SLC6A12: variants seen among roughly 807,000 people sequenced by gnomAD.
SLC6A12 encodes solute carrier family 6 member 12, also known as sodium- and chloride-dependent betaine transporter.
A neutral mutation model predicts 73.3 loss-of-function variants in SLC6A12; 50 were observed. The observed-to-expected ratio is 0.68, with a 90% confidence interval of 0.54 to 0.86. The LOEUF is 0.86. Among genes scored for constraint, SLC6A12 ranks in the 40% least tolerant of loss-of-function variants. SLC6A12 has a pLI of 0.00. For missense variants in SLC6A12, 648 were observed against 772.8 expected (o/e 0.84, Z 1.92); for synonymous variants, 304 against 309.2 (o/e 0.98, Z 0.18).
chr12:193,430 C>T, intron 13 of SLC6A12, 53 bp from the exon 14 acceptor site: 1 of 1,409,938 alleles, frequency 7.1e-7, no homozygotes, highest in Non-Finnish European at 1.0e-6. Context: ...AGAACAGCTT[C>T]CCGGTGTTTG....
chr12:194,762 C>T (rs1939783204), intron 13 of SLC6A12, among the ~76,000 whole-genome samples: 1 of 152,160 alleles, frequency 6.6e-6, no homozygotes. Context: ...GAGAGAAATG[C>T]ATAAATGGAA....
chr12:193,756 C>T (rs907946070), intron 13 of SLC6A12, among the ~76,000 whole-genome samples: 1 of 152,164 alleles, frequency 6.6e-6, no homozygotes, highest in Admixed American at 6.5e-5. Context: ...CAAGCCAAAA[C>T]AGCAAAACAA....
chr12:208,276 G>C (rs935773015), intron 3 of SLC6A12, among the ~76,000 whole-genome samples: 1 of 152,172 alleles, frequency 6.6e-6, no homozygotes, highest in Admixed American at 6.5e-5. Context: ...TTCTGGCCCA[G>C]GGTCAGCCTC....
downstream of SLC6A12, among the ~76,000 whole-genome samples, chr12:185,790 CGCCAGGG>C (rs1032151109): frequency 6.6e-6 from 1 of 152,184 alleles, no homozygotes; most frequent in Non-Finnish European, 1.5e-5. Context: ...GAGTGCGGGT[CGCCAGGG>C]CCCAGGGCAC....
chr12:206,169 C>G (rs1940630155), intron 3 of SLC6A12, among the ~76,000 whole-genome samples: 1 of 152,162 alleles, frequency 6.6e-6, no homozygotes, highest in African/African-American at 2.4e-5. Flanking sequence ...CCATCACCAC[C>G]ATTCATCTCC....
rs10582500 is a variant in SLC6A12 at position 203,059 on chromosome 12, C to CTTTTTTTTTTTT, written c.350-191_350-180dup. Among the ~76,000 whole-genome samples, 362 of 68,270 alleles carry CTTTTTTTTTTTT rather than the reference C, an allele frequency of 5.3e-3. 1 individual carries two copies. Among genetic ancestry groups the CTTTTTTTTTTTT allele is most frequent in the Middle Eastern group, 0.012 (1 of 82 alleles). The allele number at this position is 68,270 out of a possible 152,430, so 44.8% of individuals were successfully genotyped here. A position where few individuals can be genotyped will look rare whatever the true frequency, so the allele number is the denominator to read the frequency against. On this transcript the variant is annotated intron_variant, in intron 4 of 15. Transcript: ENST00000684302. ...CATATTTTTCTTTCTTTTTTCTTTT[C>CTTTTTTTTTTTT]TTTTTTTTTTTTTTTTTTTTTTTTT...
intron 15 of SLC6A12, among the ~76,000 whole-genome samples, chr12:191,705 C>T (rs1181131408): frequency 1.3e-5 from 2 of 152,042 alleles, no homozygotes; most frequent in African/African-American, 4.8e-5. Context: ...CTCCTTCTTG[C>T]CTTGAATGCA....
intron 3 of SLC6A12, among the ~76,000 whole-genome samples, chr12:205,910 T>C (rs943069084): frequency 3.3e-5 from 5 of 152,234 alleles, no homozygotes; most frequent in African/African-American, 9.6e-5. Context: ...TTCGTCAGTA[T>C]GTTATCATTG....
At chr12:189,008 C>T (rs769102794), downstream of SLC6A12, among the ~76,000 whole-genome samples, 28 of 152,202 alleles carry the variant, frequency 1.8e-4, no homozygotes, top group Non-Finnish European at 3.2e-4. Flanking sequence ...GGGTCTGGGG[C>T]AGCAGAGAGG....
rs1464974380 is a variant in SLC6A12, at chr12:198,468, G to A, written c.846+329C>T. Reference sequence around the variant, plus strand: ...AGTCCCAGCTGCTCAGGAGGCTGAGGCGAGAGAATGCCTTGAGCCCAAGAG... The same window carrying A: ...AGTCCCAGCTGCTCAGGAGGCTGAGACGAGAGAATGCCTTGAGCCCAAGAG... On this transcript the variant is annotated intron_variant, in intron 8 of 15. Transcript: ENST00000684302. This position sits in a 1 kb window ranked among gnomAD's most constrained non-coding sequence, Gnocchi z 4.0. 2.0e-5 allele frequency among the ~76,000 whole-genome samples: 3 copies of A among 152,222 alleles called. No individual in the cohort carries two copies. The highest frequency in any genetic ancestry group is 4.4e-5 in the Non-Finnish European group (3 of 68,044).
chr12:212,557 C>T (rs1161575663), intron 1 of SLC6A12, among the ~76,000 whole-genome samples: 3 of 152,042 alleles, frequency 2.0e-5, no homozygotes, highest in African/African-American at 4.8e-5. Flanking sequence ...TCGGGAGGAG[C>T]GTAACTTGTG....
chr12:202,485 C>G lies in SLC6A12; in HGVS notation c.490+255G>C, dbSNP rs149460360. On this transcript the variant is annotated intron_variant, in intron 5 of 15. Coordinates refer to ENST00000684302, the MANE Select transcript of SLC6A12 (RefSeq NM_001122848.3). Reference sequence around the variant, plus strand: ...GTCCAGTAAGTGCTTGTTAAGCGCACAAATGAGTAAGTGGCAATAACCCTT... The same window carrying G: ...GTCCAGTAAGTGCTTGTTAAGCGCAGAAATGAGTAAGTGGCAATAACCCTT... Among the ~76,000 whole-genome samples, 46 of 152,282 alleles carry G rather than the reference C, an allele frequency of 3.0e-4. No individual in the cohort carries two copies. The South Asian group carries it at 6.0e-3, about 20-fold the overall frequency.
At chr12:194,260 G>A (rs995445729) in intron 13 of SLC6A12, 2 of 152,290 alleles carry the variant, frequency 1.3e-5, no homozygotes, top group Non-Finnish European at 2.9e-5. Context: ...GGGGAAATTC[G>A]GAAGGCATCA....
chr12:209,872 A>G lies in SLC6A12; in HGVS notation c.115T>C (p.Trp39Arg), dbSNP rs774647302. The change falls in exon 3 of 16, where the codon TGG becomes CGG. Residue 39 changes from tryptophan (W) to arginine (R), a missense_variant. Coordinates refer to ENST00000684302, the MANE Select transcript of SLC6A12 (RefSeq NM_001122848.3). The stretch of plus-strand genomic sequence containing the variant: ...AGCACAAACTCCATCTTGTTGGTCC[A>G]TTGGCCCCGATCCTTCACCTGGTCC... Reference protein sequence around the residue: ...DEDQVKDRGQWTNKMEFVLSV... With the variant: ...DEDQVKDRGQRTNKMEFVLSV... 1 of 1,614,150 alleles carries G rather than the reference A, an allele frequency of 6.2e-7. No individual in the cohort carries two copies. The highest frequency in any genetic ancestry group is 1.1e-5 in the South Asian group (1 of 91,080).
At chr12:197,066 CATCT>C (rs1939906743) in intron 10 of SLC6A12, among the ~76,000 whole-genome samples, 184 bp from the exon 11 acceptor site, 1 of 152,302 alleles carries the variant, frequency 6.6e-6, no homozygotes, top group African/African-American at 2.4e-5. Flanking sequence ...TCCATCCATC[CATCT>C]ACCCATCCAT....
downstream of SLC6A12, among the ~76,000 whole-genome samples, chr12:187,468 A>C (rs778413976): frequency 3.3e-5 from 5 of 151,128 alleles, no homozygotes; most frequent in African/African-American, 7.3e-5. Flanking sequence ...TTTCCTCCCG[A>C]TGGTTCAGTG....
chr12:192,675 G>A (rs772698268), intron 14 of SLC6A12, 27 bp from the exon 15 acceptor site: 24 of 1,611,560 alleles, frequency 1.5e-5, no homozygotes, highest in Non-Finnish European at 2.0e-5. Context: ...GCAGCCATGG[G>A]TAAGATAGGG....
Position 191,258 on chromosome 12 carries a change from G to A in SLC6A12, c.1702-47C>T, listed in dbSNP as rs1033641205. The A allele has an allele frequency of 2.1e-5, 26 of 1,255,186 alleles. No homozygotes were observed. In the East Asian group the frequency reaches 5.3e-4, roughly 26 times the overall value. The allele number at this position is 1,255,186 out of a possible 1,614,324, so 77.8% of individuals were successfully genotyped here. On this transcript the variant is annotated intron_variant, in intron 15 of 15. Transcript: ENST00000684302. ...ATTTGGAGCTGATGGTGAGGGAGGCGCAGAAGGTTCCTCATGTGTGCAACC... is the reference window on the plus strand; with the variant it reads ...ATTTGGAGCTGATGGTGAGGGAGGCACAGAAGGTTCCTCATGTGTGCAACC...
chr12:189,247 C>G (rs1939501709), downstream of SLC6A12, among the ~76,000 whole-genome samples: 1 of 152,092 alleles, frequency 6.6e-6, no homozygotes, highest in Non-Finnish European at 1.5e-5. Context: ...GCGGCGGGGA[C>G]GCGGCGCTAC....
Sources: gnomAD v4.1 joint callset for allele counts (sites outside exome capture counted in the v4.1 genomes callset) on GRCh38, gnomAD v4.1.1 for gene constraint, Gnocchi (gnomAD v3.1) non-coding constraint, MANE v1.5 for transcripts, NCBI Gene and HGNC (gene_info 2026-07-23, HGNC 2026-07-21) for gene names.